The following NRG4 variants were observed in gnomAD, a reference collection of about 807,000 sequenced individuals.
NRG4 encodes the protein pro-neuregulin-4, membrane-bound isoform.
In NRG4, 10 loss-of-function variants were observed where a neutral mutation model predicts 15.0. That is an observed-to-expected ratio of 0.67 (90% CI 0.41 to 1.13). NRG4 has a LOEUF of 1.13. Ranked by LOEUF, NRG4 falls within the 50% of genes most tolerant of loss-of-function variation. NRG4 has a pLI of 0.00. For missense variants in NRG4, 139 were observed against 140.2 expected, an observed-to-expected ratio of 0.99 and a Z score of 0.04; for synonymous variants, 41 against 50.1, an observed-to-expected ratio of 0.82 and a Z score of 0.77.
intron 5 of NRG4, among the ~76,000 whole-genome samples, chr15:75,948,466 A>G (rs2031671971): frequency 6.6e-6 from 1 of 151,942 alleles, no homozygotes; most frequent in African/African-American, 2.4e-5. Flanking sequence ...TGCCCAGATA[A>G]TGTTTTGTAT....
rs1567107159 is a variant in NRG4, at chr15:76,007,852, AAGGTGAC to A, written c.104+1341_104+1347del. Reference sequence around the variant, plus strand: ...AAGTGAAACTTGTGAGTTGTATTCAAAGGTGACACCTTTCTTCTTCCCAGCTATATGA... The same window carrying A: ...AAGTGAAACTTGTGAGTTGTATTCAAACCTTTCTTCTTCCCAGCTATATGA... On this transcript the variant is annotated intron_variant, in intron 3 of 5. Coordinates refer to ENST00000394907, the MANE Select transcript of NRG4 (RefSeq NM_138573.4). Among the ~76,000 whole-genome samples the A allele has an allele frequency of 1.8e-3, 279 of 152,322 alleles. 6 individuals are homozygous for A. The highest frequency in any genetic ancestry group is 6.1e-3 in the African/African-American group (254 of 41,572).
intron 5 of NRG4, among the ~76,000 whole-genome samples, chr15:75,947,972 A>G (rs1232443036): frequency 6.6e-6 from 1 of 152,140 alleles, no homozygotes; most frequent in Non-Finnish European, 1.5e-5. Flanking sequence ...AGAAATGTCT[A>G]TTCAAATCCT....
intron 3 of NRG4, among the ~76,000 whole-genome samples, chr15:75,992,425 T>C (rs1436603797): frequency 6.6e-6 from 1 of 152,158 alleles, no homozygotes; most frequent in Non-Finnish European, 1.5e-5. Context: ...ATTATCTTAG[T>C]TTTTTCGTAC....
chr15:75,957,745 C>G (rs1375926751), intron 4 of NRG4, among the ~76,000 whole-genome samples: 1 of 152,136 alleles, frequency 6.6e-6, no homozygotes, highest in African/African-American at 2.4e-5. Flanking sequence ...CACACACACT[C>G]TGGTCACCAT....
intron 5 of NRG4, among the ~76,000 whole-genome samples, chr15:76,022,126 A>G (rs2035174829): frequency 6.6e-6 from 1 of 152,158 alleles, no homozygotes; most frequent in African/African-American, 2.4e-5. Context: ...CTGGTTCCTA[A>G]TAGGCCACAG....
intron 3 of NRG4, among the ~76,000 whole-genome samples, chr15:75,999,634 G>A (rs528552249): frequency 6.6e-6 from 1 of 152,156 alleles, no homozygotes; most frequent in Admixed American, 6.5e-5. Context: ...AATTTCTACT[G>A]TCTATAAATT....
chr15:75,978,221 T>C (rs1448101673), intron 3 of NRG4, among the ~76,000 whole-genome samples: 1 of 152,192 alleles, frequency 6.6e-6, no homozygotes, highest in Non-Finnish European at 1.5e-5. Context: ...CTTCCCAGCC[T>C]CTGGTAACCA....
At chr15:76,017,394 AGTT>A (rs1359183195), upstream of NRG4, among the ~76,000 whole-genome samples, 1 of 151,854 alleles carries the variant, frequency 6.6e-6, no homozygotes, top group Admixed American at 6.6e-5. Flanking sequence ...GATGCTAGCT[AGTT>A]GTTTTGCCCC....
In NRG4 at chr15:75,940,937, A is replaced by T. The variant is rs1266281096; in HGVS notation, c.*2701T>A. 1 of 152,182 alleles carries T rather than the reference A, an allele frequency of 6.6e-6. No homozygotes were observed. The highest frequency in any genetic ancestry group is 1.9e-4 in the East Asian group (1 of 5,194). 9.4% of individuals were successfully genotyped at this position (152,182 alleles called of 1,614,324 possible). On this transcript the variant is annotated 3_prime_UTR_variant, in exon 6 of 6. Coordinates refer to ENST00000394907, the MANE Select transcript of NRG4 (RefSeq NM_138573.4). ...ATTCACAGACAACGAAAGAAAAAATAGGCAAATTATACTTCATTAAAATTT... is the reference window on the plus strand; with the variant it reads ...ATTCACAGACAACGAAAGAAAAAATTGGCAAATTATACTTCATTAAAATTT...
downstream of NRG4, chr15:75,938,179 C>G (rs550480286): frequency 8.6e-5 from 13 of 152,028 alleles, no homozygotes; most frequent in African/African-American, 3.1e-4. Context: ...AATAGCTGAA[C>G]GTGACATAAA....
chr15:76,043,738 ATC>A (rs2035800294), intron 4 of NRG4, among the ~76,000 whole-genome samples: 1 of 152,254 alleles, frequency 6.6e-6, no homozygotes. Context: ...ATGCAATGCA[ATC>A]TCTATCAAAA....
At chr15:76,009,767 T>C (rs2034740396) in intron 2 of NRG4, among the ~76,000 whole-genome samples, 1 of 152,218 alleles carries the variant, frequency 6.6e-6, no homozygotes, top group African/African-American at 2.4e-5. Context: ...TTTCCAAAGT[T>C]AACTTTAAAT....
intron 1 of NRG4, among the ~76,000 whole-genome samples, chr15:76,011,529 A>T (rs1329265211): frequency 6.6e-6 from 1 of 152,202 alleles, no homozygotes; most frequent in Non-Finnish European, 1.5e-5. Flanking sequence ...TAAATAATGT[A>T]ATTTAATCTT....
At chr15:75,989,713 C>T (rs999227408) in intron 3 of NRG4, among the ~76,000 whole-genome samples, 3 of 152,076 alleles carry the variant, frequency 2.0e-5, no homozygotes, top group South Asian at 2.1e-4. Context: ...CTTTAAATCT[C>T]GTTTGCTAAT....
At chr15:75,966,693 C>T (rs769289037) in intron 3 of NRG4, among the ~76,000 whole-genome samples, 20 of 152,082 alleles carry the variant, frequency 1.3e-4, no homozygotes, top group Middle Eastern at 3.2e-3. Context: ...TACTGGCATA[C>T]GTCAAATCTG....
chr15:76,018,720 T>C (rs1251873453), intron 5 of NRG4, among the ~76,000 whole-genome samples: 1 of 152,184 alleles, frequency 6.6e-6, no homozygotes, highest in Non-Finnish European at 1.5e-5. Flanking sequence ...CAGAGGGGCA[T>C]CCGCCAGATG....
At chr15:75,992,651 G>A (rs2034062424) in intron 3 of NRG4, among the ~76,000 whole-genome samples, 3 of 152,062 alleles carry the variant, frequency 2.0e-5, no homozygotes, top group South Asian at 2.1e-4. Flanking sequence ...GCAATCAATC[G>A]CCATTCCCCA....
chr15:76,057,760 C>T (rs2036187185), intron 1 of NRG4, among the ~76,000 whole-genome samples: 2 of 151,814 alleles, frequency 1.3e-5, no homozygotes, highest in South Asian at 4.2e-4. Flanking sequence ...ACACTTAAGA[C>T]ACACGTAAAC....
intron 3 of NRG4, among the ~76,000 whole-genome samples, chr15:75,990,030 G>A (rs947451543): frequency 2.0e-5 from 3 of 152,078 alleles, no homozygotes; most frequent in South Asian, 2.1e-4. Context: ...GATCTCAAGC[G>A]AATACCCTAG....
Sources: gnomAD v4.1 joint callset for allele counts (sites outside exome capture counted in the v4.1 genomes callset) on GRCh38, gnomAD v4.1.1 for gene constraint, MANE v1.5 for transcripts, NCBI Gene and HGNC (gene_info 2026-07-23, HGNC 2026-07-21) for gene names.